The following PTPRM variants were observed in gnomAD, a reference collection of about 807,000 sequenced individuals.
The protein encoded by PTPRM is protein tyrosine phosphatase receptor type M, also known as receptor-type tyrosine-protein phosphatase mu.
Under a neutral mutation model 186.7 loss-of-function variants are expected in PTPRM, and 47 were observed. The observed-to-expected ratio is 0.25, with a 90% CI of 0.20 to 0.32. PTPRM has a LOEUF of 0.32. Ranked by LOEUF, PTPRM falls within the 10% of genes least tolerant of loss-of-function variation. The probability of loss-of-function intolerance (pLI) is 1.00; values close to 1 mark genes in which losing one functional copy is unlikely to be tolerated. For synonymous variants in PTPRM, 668 were observed against 674.9 expected, an observed-to-expected ratio of 0.99 and a Z score of 0.16; for missense variants, 1,494 against 1,865.0, an observed-to-expected ratio of 0.80 and a Z score of 3.66.
intron 7 of PTPRM, among the ~76,000 whole-genome samples, chr18:7,959,372 A>G (rs888109641): frequency 6.6e-6 from 1 of 152,140 alleles, no homozygotes; most frequent in African/African-American, 2.4e-5. Context: ...CATCTGTTAA[A>G]TCTGTTTATT....
intron 19 of PTPRM, 120 bp from the exon 20 acceptor site, chr18:8,296,248 T>A: frequency 1.5e-6 from 1 of 652,072 alleles, no homozygotes; most frequent in South Asian, 1.9e-5. Context: ...CTTGTCTCAT[T>A]TCTGTCGGCA....
chr18:8,359,543 C>A (rs187377334), intron 23 of PTPRM, among the ~76,000 whole-genome samples: 1 of 152,358 alleles, frequency 6.6e-6, no homozygotes, highest in East Asian at 1.9e-4. Context: ...CTTGGGGCCT[C>A]TGTTGTGTCA....
rs1229316727 is a variant in PTPRM at position 8,289,525 on chromosome 18, CAT to C, written c.2755-6835_2755-6834del. 5.9e-4 allele frequency among the ~76,000 whole-genome samples: 47 copies of C among 79,804 alleles called. 2 individuals are homozygous for C. The highest frequency in any genetic ancestry group is 8.1e-4 in the Non-Finnish European group (34 of 42,140). 52.4% of individuals were successfully genotyped at this position (79,804 alleles called of 152,430 possible). On this transcript the variant is annotated intron_variant, in intron 19 of 32. Transcript: ENST00000580170. ...ATATGTGTGTGTATGTATATATATACATATATATACACATATATATATATACA... is the reference window on the plus strand; with the variant it reads ...ATATGTGTGTGTATGTATATATATACATATATACACATATATATATATACA...
At chr18:7,869,354 G>T (rs963353416) in intron 2 of PTPRM, among the ~76,000 whole-genome samples, 1 of 152,230 alleles carries the variant, frequency 6.6e-6, no homozygotes, top group Non-Finnish European at 1.5e-5. Context: ...CTCCTAGTCT[G>T]TGGGTTGCAA....
intron 1 of PTPRM, among the ~76,000 whole-genome samples, chr18:7,583,105 G>C (rs548121967): frequency 6.6e-6 from 1 of 152,248 alleles, no homozygotes; most frequent in East Asian, 1.9e-4. Flanking sequence ...ACCTTGCCTT[G>C]TATTTTTCCT....
At chr18:7,930,728 T>C (rs991460289) in intron 5 of PTPRM, among the ~76,000 whole-genome samples, 6 of 152,200 alleles carry the variant, frequency 3.9e-5, no homozygotes, top group South Asian at 2.1e-4. Context: ...AATGCTTATA[T>C]GTATTACATG....
intron 14 of PTPRM, among the ~76,000 whole-genome samples, chr18:8,180,727 C>T (rs889654973): frequency 6.6e-6 from 1 of 152,172 alleles, no homozygotes; most frequent in Admixed American, 6.5e-5. Context: ...ACCAGTTAAA[C>T]TCCACCATTT....
chr18:8,380,267 AT>A (rs2095724417), intron 28 of PTPRM, 28 bp from the exon 29 acceptor site: 1 of 1,607,754 alleles, frequency 6.2e-7, no homozygotes, highest in African/African-American at 1.3e-5. Context: ...TCCTGAGTAT[AT>A]TTGGAGCATT....
intron 17 of PTPRM, among the ~76,000 whole-genome samples, chr18:8,249,562 T>C (rs770667856): frequency 3.9e-5 from 6 of 152,194 alleles, no homozygotes; most frequent in Non-Finnish European, 7.3e-5. Flanking sequence ...ATTTGCGATT[T>C]CTTCATGTGC....
At position 8,387,067 on chromosome 18, in the gene PTPRM, C is replaced by T. The variant is rs594742; in HGVS notation, c.4045-5C>T. ...ACTCCCCGATTGTTGCCTTGTTCTT[C>T]GTAGCCCCAAGATGGATATCGGATG... On this transcript the variant is annotated splice_region_variant and splice_polypyrimidine_tract_variant and intron_variant, in intron 30 of 32. Transcript: ENST00000580170. The T allele has an allele frequency of 0.75, 1,189,740 of 1,592,304 alleles. 446,407 individuals are homozygous for T. The highest frequency in any genetic ancestry group is 0.86 in the African/African-American group (63,988 of 74,474).
chr18:8,016,930 A>T (rs1266104981), intron 7 of PTPRM, among the ~76,000 whole-genome samples: 1 of 152,222 alleles, frequency 6.6e-6, no homozygotes, highest in Non-Finnish European at 1.5e-5. Context: ...ATATTCACGC[A>T]TTAATAGATT....
intron 1 of PTPRM, among the ~76,000 whole-genome samples, chr18:7,674,992 A>G (rs921537015): frequency 6.6e-6 from 1 of 152,200 alleles, no homozygotes; most frequent in Non-Finnish European, 1.5e-5. Flanking sequence ...TTGTTATATT[A>G]ATAGATCTAG....
chr18:8,031,881 G>T (rs1234131839), intron 7 of PTPRM, among the ~76,000 whole-genome samples: 1 of 152,166 alleles, frequency 6.6e-6, no homozygotes, highest in Non-Finnish European at 1.5e-5. Flanking sequence ...GAAGGAGCAA[G>T]GGATAAACAA....
chr18:7,884,138 C>A (rs1483044875), intron 2 of PTPRM, among the ~76,000 whole-genome samples: 1 of 151,912 alleles, frequency 6.6e-6, no homozygotes, highest in Non-Finnish European at 1.5e-5. Context: ...CAGAGTGAGA[C>A]CCTGTCTCTA....
At chr18:7,806,938 T>C (rs757113500) in intron 2 of PTPRM, among the ~76,000 whole-genome samples, 3 of 152,202 alleles carry the variant, frequency 2.0e-5, no homozygotes, top group African/African-American at 7.2e-5. Context: ...CCTGACTGCA[T>C]TGTGTTCTGT....
chr18:8,350,293 C>A (rs958721355), intron 23 of PTPRM, among the ~76,000 whole-genome samples: 1 of 152,126 alleles, frequency 6.6e-6, no homozygotes, highest in Admixed American at 6.5e-5. Context: ...GGTAAAAACC[C>A]CACCCCAAAG....
intron 1 of PTPRM, among the ~76,000 whole-genome samples, chr18:7,717,180 G>T (rs929427361): frequency 1.3e-5 from 2 of 152,128 alleles, no homozygotes; most frequent in African/African-American, 2.4e-5. Context: ...ACCTGAAACT[G>T]TGAGGACTTA....
intron 22 of PTPRM, among the ~76,000 whole-genome samples, chr18:8,332,978 G>A (rs2095419986): frequency 6.6e-6 from 1 of 152,202 alleles, no homozygotes; most frequent in South Asian, 2.1e-4. Context: ...AGTTTTTCGT[G>A]TGAGAGTTGT....
intron 22 of PTPRM, among the ~76,000 whole-genome samples, chr18:8,340,660 A>G (rs1377288857): frequency 6.6e-6 from 1 of 152,198 alleles, no homozygotes; most frequent in Non-Finnish European, 1.5e-5. Flanking sequence ...CAGAGCTTGC[A>G]GGCAAGGTTA....
Sources: allele counts gnomAD v4.1 joint callset (sites outside exome capture counted in the v4.1 genomes callset), GRCh38; gene constraint gnomAD v4.1.1; transcripts MANE v1.5; gene names NCBI Gene and HGNC (gene_info 2026-07-23, HGNC 2026-07-21).